The following APBB1IP variants were observed in gnomAD, a reference collection of about 807,000 sequenced individuals.
APBB1IP encodes amyloid beta precursor protein binding family B member 1 interacting protein.
A neutral mutation model predicts 64.9 loss-of-function variants in APBB1IP; 27 were observed. That is an observed-to-expected ratio of 0.42 (90% CI 0.31 to 0.57). The LOEUF (loss-of-function observed/expected upper bound fraction) is 0.57. APBB1IP is among the 20% of genes least tolerant of loss of function. APBB1IP has a pLI of 0.20. For missense variants in APBB1IP, 812 were observed against 845.5 expected (o/e 0.96, Z 0.49); for synonymous variants, 392 against 331.0 (o/e 1.18, Z -2.00).
chr10:26,468,802 G>A (rs545392535), intron 2 of APBB1IP, among the ~76,000 whole-genome samples: 1 of 152,196 alleles, frequency 6.6e-6, no homozygotes, highest in Non-Finnish European at 1.5e-5. Flanking sequence ...TCCTGGATGT[G>A]TCTCACAGGA....
intron 4 of APBB1IP, among the ~76,000 whole-genome samples, chr10:26,497,947 G>A (rs34710659): frequency 6.6e-6 from 1 of 151,800 alleles, no homozygotes; most frequent in East Asian, 1.9e-4. Context: ...GGCTGGTCTC[G>A]AACTCCAGAC....
intron 2 of APBB1IP, among the ~76,000 whole-genome samples, chr10:26,481,063 A>G (rs918317941): frequency 6.6e-6 from 1 of 152,024 alleles, no homozygotes; most frequent in African/African-American, 2.4e-5. Flanking sequence ...ATAGACACCC[A>G]AAGTAGAAAA....
At chr10:26,549,916 A>T (rs1160244231) in intron 11 of APBB1IP, among the ~76,000 whole-genome samples, 1 of 151,268 alleles carries the variant, frequency 6.6e-6, no homozygotes, top group Admixed American at 6.6e-5. Flanking sequence ...TATTTTTTCT[A>T]GTTCCTTGAG....
At chr10:26,459,059 A>G (rs1345945614) in intron 2 of APBB1IP, among the ~76,000 whole-genome samples, 5 of 149,958 alleles carry the variant, frequency 3.3e-5, no homozygotes, top group Non-Finnish European at 5.9e-5. Flanking sequence ...ATTTAGCATT[A>G]GGTATATCTC....
intron 14 of APBB1IP, 31 bp from the exon 15 acceptor site, chr10:26,566,930 A>T: frequency 6.5e-7 from 1 of 1,537,082 alleles, no homozygotes; most frequent in Non-Finnish European, 8.6e-7. Context: ...AAATTAAAAA[A>T]AAAATGAATG....
intron 2 of APBB1IP, among the ~76,000 whole-genome samples, chr10:26,466,512 TC>T (rs1228461889): frequency 1.3e-5 from 2 of 152,320 alleles, no homozygotes; most frequent in African/African-American, 4.8e-5. Flanking sequence ...CAAGAAGTTA[TC>T]CAGTTGGCTG....
intron 11 of APBB1IP, among the ~76,000 whole-genome samples, chr10:26,542,511 T>C (rs1046139543): frequency 3.9e-5 from 6 of 152,222 alleles, no homozygotes; most frequent in Non-Finnish European, 7.3e-5. Flanking sequence ...AGATGGGTTA[T>C]TACAACCACA....
At chr10:26,491,946 G>C (rs138739257) in intron 2 of APBB1IP, among the ~76,000 whole-genome samples, 1 of 152,046 alleles carries the variant, frequency 6.6e-6, no homozygotes, top group Non-Finnish European at 1.5e-5. Flanking sequence ...ATTTTTAGTA[G>C]AGATGGGGTT....
chr10:26,513,719 G>C (rs1276916283), intron 8 of APBB1IP, 59 bp downstream of exon 8: 1 of 1,207,682 alleles, frequency 8.3e-7, no homozygotes, highest in Non-Finnish European at 1.1e-6. Flanking sequence ...TTTTTTTTTT[G>C]AGACGGAGTC....
intron 8 of APBB1IP, among the ~76,000 whole-genome samples, chr10:26,520,343 G>GAA (rs57161558): frequency 0.18 from 27,497 of 151,968 alleles, 2,842 homozygotes; most frequent in East Asian, 0.3. Flanking sequence ...TATAGCAACA[G>GAA]AAAAAAGACT....
intron 8 of APBB1IP, among the ~76,000 whole-genome samples, chr10:26,516,694 A>G (rs1836335579): frequency 6.6e-6 from 1 of 152,078 alleles, no homozygotes; most frequent in Non-Finnish European, 1.5e-5. Context: ...AACTTCACAG[A>G]AGATAAGATG....
chr10:26,536,364 T>C (rs1753347), intron 10 of APBB1IP, 147 bp downstream of exon 10: 341,552 of 802,788 alleles, frequency 0.43, 75,541 homozygotes, highest in East Asian at 0.59. Flanking sequence ...GACAGTATTA[T>C]TGAAATCTTT....
intron 11 of APBB1IP, among the ~76,000 whole-genome samples, chr10:26,543,044 A>G (rs192674935): frequency 4.5e-4 from 67 of 150,554 alleles, no homozygotes; most frequent in Non-Finnish European, 6.1e-4. Context: ...CTGGCCCCCA[A>G]TGTCAACAGT....
At chr10:26,455,301 G>A (rs1015518335) in intron 2 of APBB1IP, among the ~76,000 whole-genome samples, 68 of 152,076 alleles carry the variant, frequency 4.5e-4, no homozygotes, top group East Asian at 5.8e-4. Context: ...AGGCCGAGGC[G>A]GGCGGATCAC....
Position 26,567,446 on chromosome 10 carries a change from C to T in APBB1IP, c.1959C>T (p.Asp653=). 1 of 1,605,496 alleles carries T rather than the reference C, an allele frequency of 6.2e-7. No individual in the cohort carries two copies. The highest frequency in any genetic ancestry group is 1.1e-5 in the South Asian group (1 of 90,948). ...AGGGEQDFMS[D]LMKALQKKRG... Reference sequence around the variant, plus strand: ...GCGGGGAGCAAGATTTCATGTCAGACCTCATGAAAGCTTTGCAAAAGAAGA... The same window carrying T: ...GCGGGGAGCAAGATTTCATGTCAGATCTCATGAAAGCTTTGCAAAAGAAGA... Residue 653 remains aspartate (D), a synonymous_variant, in exon 15 of 15, where the codon GAC becomes GAT. Coordinates refer to ENST00000376236, the MANE Select transcript of APBB1IP (RefSeq NM_019043.4).
intron 14 of APBB1IP, 79 bp from the exon 15 acceptor site, chr10:26,566,882 G>A: frequency 7.0e-7 from 1 of 1,426,608 alleles, no homozygotes; most frequent in Non-Finnish European, 9.2e-7. Context: ...GTGAGACCCC[G>A]TCTCCATTAA....
chr10:26,490,571 T>TGTGA (rs775612980), intron 2 of APBB1IP, among the ~76,000 whole-genome samples: 1 of 152,050 alleles, frequency 6.6e-6, no homozygotes, highest in Non-Finnish European at 1.5e-5. Flanking sequence ...GTTGCAGTGA[T>TGTGA]GTGAGATTGC....
At chr10:26,462,279 A>G (rs1461943781) in intron 2 of APBB1IP, among the ~76,000 whole-genome samples, 1 of 152,248 alleles carries the variant, frequency 6.6e-6, no homozygotes, top group Non-Finnish European at 1.5e-5. Context: ...AACCAAAACA[A>G]AACTAAATAG....
intron 9 of APBB1IP, among the ~76,000 whole-genome samples, chr10:26,535,616 T>C (rs1588609334): frequency 6.6e-6 from 1 of 152,228 alleles, no homozygotes; most frequent in South Asian, 2.1e-4. Context: ...GAATTATATA[T>C]AATAATTGTT....
Sources: gnomAD v4.1 joint callset for allele counts (sites outside exome capture counted in the v4.1 genomes callset) on GRCh38, gnomAD v4.1.1 for gene constraint, MANE v1.5 for transcripts, NCBI Gene and HGNC (gene_info 2026-07-23, HGNC 2026-07-21) for gene names.